MMP26: variants seen among roughly 807,000 people sequenced by gnomAD.
MMP26 encodes matrix metalloproteinase-26.
Under a neutral mutation model 31.0 loss-of-function variants are expected in MMP26, and 33 were observed. The ratio of observed to expected loss-of-function variants is 1.06; its 90% confidence interval spans 0.81 to 1.42. The LOEUF (loss-of-function observed/expected upper bound fraction) is 1.42. Ranked by LOEUF, MMP26 falls within the 40% of genes most tolerant of loss-of-function variation. The pLI, the probability that MMP26 is intolerant of heterozygous loss-of-function variation, is 0.00. For missense variants in MMP26, 347 were observed against 316.1 expected, an observed-to-expected ratio of 1.10 and a Z score of -0.74; for synonymous variants, 122 against 114.9, an observed-to-expected ratio of 1.06 and a Z score of -0.40.
chr11:4,918,981 C>A (rs973626577), intron 2 of MMP26, among the ~76,000 whole-genome samples: 1 of 152,226 alleles, frequency 6.6e-6, no homozygotes, highest in Non-Finnish European at 1.5e-5. Context: ...GCCTGCATGA[C>A]AATTTTGCCC....
chr11:4,876,280 T>A (rs1462834847), intron 2 of MMP26: 2 of 152,288 alleles, frequency 1.3e-5, no homozygotes, highest in East Asian at 3.9e-4. Context: ...CTGAATTGCA[T>A]ATGTCCCTAG....
chr11:4,904,070 C>A (rs1850845042), intron 2 of MMP26, among the ~76,000 whole-genome samples: 1 of 152,034 alleles, frequency 6.6e-6, no homozygotes, highest in Non-Finnish European at 1.5e-5. Flanking sequence ...ATATAAATTA[C>A]TCTTGTCCAA....
chr11:4,778,698 A>C (rs1466854083), intron 2 of MMP26, among the ~76,000 whole-genome samples: 3 of 152,050 alleles, frequency 2.0e-5, no homozygotes. Context: ...CCATTTTTGA[A>C]AGAACTTACT....
At chr11:4,852,510 A>G (rs1849989375) in intron 2 of MMP26, among the ~76,000 whole-genome samples, 1 of 152,188 alleles carries the variant, frequency 6.6e-6, no homozygotes, top group Admixed American at 6.5e-5. Context: ...TCTCAAATCA[A>G]TAACCTAAGC....
chr11:4,798,483 A>C (rs1401244800), intron 2 of MMP26, among the ~76,000 whole-genome samples: 1 of 152,258 alleles, frequency 6.6e-6, no homozygotes, highest in Non-Finnish European at 1.5e-5. Context: ...TTGAAAGTTT[A>C]TATTTTAGGT....
chr11:4,988,161 G>A lies in MMP26; in HGVS notation c.-51G>A. The A allele has an allele frequency of 6.6e-7, 1 of 1,518,460 alleles. No individual in the cohort carries two copies. Among genetic ancestry groups the A allele is most frequent in the South Asian group, 1.1e-5 (1 of 88,980 alleles). The allele number at this position is 1,518,460 out of a possible 1,614,324, so 94.1% of individuals were successfully genotyped here. A position where few individuals can be genotyped will look rare whatever the true frequency, so the allele number is the denominator to read the frequency against. ...GCTGGCACAGCTATAAAGATCCAGT[G>A]GCCCAAGTTGTGTACCTGAATTCAA... On this transcript the variant is annotated 5_prime_UTR_variant, in exon 3 of 8. The change creates a premature stop within an existing upstream ORF in the 5' untranslated region. Transcript: ENST00000380390.
intron 2 of MMP26, chr11:4,821,612 T>C (rs983588372): frequency 6.2e-7 from 1 of 1,614,016 alleles, no homozygotes; most frequent in Non-Finnish European, 8.5e-7. Context: ...ATGTACTATT[T>C]CCTCTCTATG....
At chr11:4,914,833 G>C (rs1243026636) in intron 2 of MMP26, 2 of 1,613,876 alleles carry the variant, frequency 1.2e-6, no homozygotes, top group African/African-American at 1.3e-5. Context: ...TGACCACCTG[G>C]ACCAGGTGGG....
chr11:4,836,461 G>T (rs1199002188), intron 2 of MMP26, among the ~76,000 whole-genome samples: 2 of 150,248 alleles, frequency 1.3e-5, no homozygotes, highest in Non-Finnish European at 3.0e-5. Flanking sequence ...TTTATAATAT[G>T]ATATGCATAG....
At chr11:4,886,564 A>G (rs1850548597) in intron 2 of MMP26, among the ~76,000 whole-genome samples, 1 of 151,892 alleles carries the variant, frequency 6.6e-6, no homozygotes, top group East Asian at 1.9e-4. Context: ...CAATAAATAC[A>G]TGTACTGCTG....
intron 1 of MMP26, among the ~76,000 whole-genome samples, chr11:4,743,956 C>A (rs941943389): frequency 1.3e-5 from 2 of 151,920 alleles, no homozygotes; most frequent in African/African-American, 2.4e-5. Context: ...CAGACTCACT[C>A]TACCTTACCA....
intron 1 of MMP26, among the ~76,000 whole-genome samples, chr11:4,707,788 T>C (rs1050370352): frequency 7.9e-5 from 12 of 152,172 alleles, no homozygotes; most frequent in African/African-American, 2.4e-4. Flanking sequence ...TCAGAAGCAG[T>C]TCATTCATTC....
chr11:4,853,289 T>C (rs535821491), intron 2 of MMP26, among the ~76,000 whole-genome samples: 2 of 152,274 alleles, frequency 1.3e-5, no homozygotes, highest in East Asian at 3.9e-4. Context: ...ATTGGCTTGA[T>C]TGTGGTCAAC....
At chr11:4,842,277 TA>T (rs1333585358) in intron 2 of MMP26, among the ~76,000 whole-genome samples, 1 of 152,222 alleles carries the variant, frequency 6.6e-6, no homozygotes, top group African/African-American at 2.4e-5. Flanking sequence ...TAGGTTAAAA[TA>T]ATGGGTTATA....
At chr11:4,909,306 C>A (rs1420457911) in intron 2 of MMP26, 1 of 151,876 alleles carries the variant, frequency 6.6e-6, no homozygotes, top group African/African-American at 2.4e-5. Flanking sequence ...GTTGAAAATA[C>A]AATTTGAAGG....
intron 2 of MMP26, among the ~76,000 whole-genome samples, chr11:4,823,283 T>A (rs2133473957): frequency 6.6e-6 from 1 of 152,300 alleles, no homozygotes; most frequent in Non-Finnish European, 1.5e-5. Flanking sequence ...CATGCAGACT[T>A]TCTTACATCT....
At chr11:4,812,967 A>T (rs572949610) in intron 2 of MMP26, among the ~76,000 whole-genome samples, 1 of 150,652 alleles carries the variant, frequency 6.6e-6, no homozygotes. Context: ...CAGATATTTT[A>T]TGTATATATT....
At chr11:4,738,789 T>C (rs952434005) in intron 1 of MMP26, among the ~76,000 whole-genome samples, 2 of 152,124 alleles carry the variant, frequency 1.3e-5, no homozygotes, top group Non-Finnish European at 2.9e-5. Context: ...TCTATAAAAT[T>C]AAACTAACCT....
rs752293085 is a variant in MMP26 at position 4,908,148 on chromosome 11, T to C, written c.-144-79920T>C. 3.1e-6 allele frequency: 5 copies of C among 1,614,186 alleles called. No individual in the cohort carries two copies. In the South Asian group the frequency reaches 4.4e-5, roughly 14 times the overall value. On this transcript the variant is annotated intron_variant, in intron 2 of 7. Transcript: ENST00000380390. ...GTGCCCATCATCACCCTGGCTGCCA[T>C]GCATCACTTTGCCAAGCACAAAAGC...
Sources: gnomAD v4.1 joint callset for allele counts (sites outside exome capture counted in the v4.1 genomes callset) on GRCh38, gnomAD v4.1.1 for gene constraint, MANE v1.5 for transcripts, NCBI Gene and HGNC (gene_info 2026-07-23, HGNC 2026-07-21) for gene names.